Variants in CSMD1 observed in about 807,000 individuals in gnomAD.
CSMD1 encodes CUB and Sushi multiple domains 1.
In CSMD1, 213 loss-of-function variants were observed where a neutral mutation model predicts 417.5. The observed-to-expected ratio is 0.51, with a 90% CI of 0.46 to 0.57. CSMD1 has a LOEUF of 0.57. Among genes scored for constraint, CSMD1 ranks in the 20% least tolerant of loss-of-function variants. The pLI is 0.00. For synonymous variants in CSMD1, 2,862 were observed against 1,736.8 expected (o/e 1.65, Z -16.11); for missense variants, 6,923 against 4,529.7 (o/e 1.53, Z -15.17).
intron 2 of CSMD1, among the ~76,000 whole-genome samples, chr8:4,454,076 C>T (rs936200156): frequency 1.3e-5 from 2 of 152,088 alleles, no homozygotes; most frequent in Non-Finnish European, 2.9e-5. Context: ...CCCGCCTCGG[C>T]CTCCCTAAGT....
chr8:4,560,106 G>A (rs577189478), intron 2 of CSMD1, among the ~76,000 whole-genome samples: 1 of 152,332 alleles, frequency 6.6e-6, no homozygotes, highest in East Asian at 1.9e-4. Context: ...ACCTCCACGT[G>A]GTGACTGCAC....
chr8:4,201,540 C>CAAA (rs1157479482), intron 3 of CSMD1, among the ~76,000 whole-genome samples: 5 of 59,030 alleles, frequency 8.5e-5, no homozygotes, highest in Admixed American at 5.9e-4. Flanking sequence ...TCTGTCTCCA[C>CAAA]AAAAAAAAAA....
In CSMD1 at chr8:4,772,680, G is replaced by A. The variant is rs143060263; in HGVS notation, c.86-135122C>T. Among the ~76,000 whole-genome samples, 226 of 152,266 alleles carry A rather than the reference G, an allele frequency of 1.5e-3. 1 individual carries two copies. The highest frequency in any genetic ancestry group is 5.1e-3 in the African/African-American group (213 of 41,558). On this transcript the variant is annotated intron_variant, in intron 1 of 69. Coordinates refer to ENST00000635120, the MANE Select transcript of CSMD1 (RefSeq NM_033225.6). ...GGTACAGAAAAGAAGCCATAAAAAT[G>A]TATCTGTGAAAGGATGTGCATTGAG...
rs190747556 is a variant in CSMD1, at chr8:4,680,322, T to A, written c.86-42764A>T. Among the ~76,000 whole-genome samples the A allele has an allele frequency of 2.2e-3, 331 of 152,242 alleles. 3 individuals are homozygous for A. Among genetic ancestry groups the A allele is most frequent in the African/African-American group, 7.6e-3 (316 of 41,540 alleles). ...CCGAAAAAGTAATATGAATCAAAAA[T>A]CTGAAAGCACCGGGTCACTTAATTC... On this transcript the variant is annotated intron_variant, in intron 1 of 69. Coordinates refer to ENST00000635120, the MANE Select transcript of CSMD1 (RefSeq NM_033225.6).
chr8:4,190,253 CAAAAAAA>C (rs11397581), intron 3 of CSMD1, among the ~76,000 whole-genome samples: 5 of 67,030 alleles, frequency 7.5e-5, no homozygotes, highest in Admixed American at 7.4e-4. Flanking sequence ...ACTCCGTCTC[CAAAAAAA>C]AAAAAAAAAA....
chr8:3,442,461 T>C (rs1815046356), intron 12 of CSMD1, among the ~76,000 whole-genome samples: 1 of 152,190 alleles, frequency 6.6e-6, no homozygotes, highest in Admixed American at 6.5e-5. Flanking sequence ...ATACAGTGTT[T>C]TTACTGTACC....
chr8:3,753,977 G>C lies in CSMD1; in HGVS notation c.884C>G (p.Thr295Ser), dbSNP rs371950532. The C allele has an allele frequency of 1.9e-5, 31 of 1,613,020 alleles. No homozygotes were observed. Among genetic ancestry groups the C allele is most frequent in the Non-Finnish European group, 2.5e-5 (30 of 1,179,452 alleles). Residue 295 changes from threonine (T) to serine (S), a missense_variant, in exon 6 of 70, where the codon ACC becomes AGC. Coordinates refer to ENST00000635120, the MANE Select transcript of CSMD1 (RefSeq NM_033225.6). ...SSKNWLRLHF[T>S]SDSNHRRKGF... Reference sequence around the variant, plus strand: ...TTTGCGTCGGTGGTTGCTGTCAGAGGTGAAATGGAGTCGTAGCCAATTCTT... The same window carrying C: ...TTTGCGTCGGTGGTTGCTGTCAGAGCTGAAATGGAGTCGTAGCCAATTCTT...
At chr8:4,249,351 T>C (rs1802907289) in intron 3 of CSMD1, among the ~76,000 whole-genome samples, 1 of 152,248 alleles carries the variant, frequency 6.6e-6, no homozygotes, top group African/African-American at 2.4e-5. Context: ...TAAAGCGGTG[T>C]TCAGTCTACG....
intron 12 of CSMD1, among the ~76,000 whole-genome samples, chr8:3,468,505 T>C (rs1419341758): frequency 6.6e-6 from 1 of 152,166 alleles, no homozygotes; most frequent in South Asian, 2.1e-4. Context: ...TCAGAGCACA[T>C]ATCATGGCAA....
chr8:4,245,899 T>A (rs192246293), intron 3 of CSMD1, among the ~76,000 whole-genome samples: 4 of 152,328 alleles, frequency 2.6e-5, no homozygotes, highest in Admixed American at 2.0e-4. Context: ...TCATACATGG[T>A]GCTTTAGCTA....
chr8:3,890,528 CA>C (rs1345273975), intron 5 of CSMD1, among the ~76,000 whole-genome samples: 1 of 151,760 alleles, frequency 6.6e-6, no homozygotes, highest in Admixed American at 6.6e-5. Flanking sequence ...CGGTGGGGAA[CA>C]AAATAACTCT....
chr8:3,827,977 T>A (rs1802151285), intron 5 of CSMD1, among the ~76,000 whole-genome samples: 2 of 152,192 alleles, frequency 1.3e-5, no homozygotes, highest in African/African-American at 2.4e-5. Context: ...ATAGCCATCT[T>A]AACATAAACA....
intron 3 of CSMD1, among the ~76,000 whole-genome samples, chr8:4,215,580 T>A (rs9792308): frequency 2.6e-5 from 4 of 151,962 alleles, no homozygotes; most frequent in African/African-American, 9.6e-5. Context: ...ATTTTTTCCC[T>A]AAAATTTATA....
chr8:4,329,732 C>A (rs1340729744), intron 3 of CSMD1, among the ~76,000 whole-genome samples: 1 of 151,998 alleles, frequency 6.6e-6, no homozygotes, highest in Non-Finnish European at 1.5e-5. Flanking sequence ...GGTATCTGGA[C>A]TATGGGAGCA....
chr8:4,349,091 C>A (rs1465338584), intron 3 of CSMD1, among the ~76,000 whole-genome samples: 1 of 152,146 alleles, frequency 6.6e-6, no homozygotes, highest in Non-Finnish European at 1.5e-5. Flanking sequence ...GCTCAAATTA[C>A]AAAATGAGCT....
intron 8 of CSMD1, among the ~76,000 whole-genome samples, chr8:3,605,693 C>A (rs530109922): frequency 6.3e-4 from 96 of 152,238 alleles, no homozygotes; most frequent in African/African-American, 2.3e-3. Flanking sequence ...TAAAAATATG[C>A]TAAGACAAAG....
At chr8:3,852,337 C>T (rs939667550) in intron 5 of CSMD1, among the ~76,000 whole-genome samples, 1 of 151,860 alleles carries the variant, frequency 6.6e-6, no homozygotes, top group South Asian at 2.1e-4. Context: ...GAGAATGGCC[C>T]GAAGGAAGCA....
intron 12 of CSMD1, among the ~76,000 whole-genome samples, chr8:3,431,804 G>T (rs553074113): frequency 6.6e-6 from 1 of 152,082 alleles, no homozygotes; most frequent in African/African-American, 2.4e-5. Flanking sequence ...CATAACATTG[G>T]AGAAAACAAA....
chr8:4,084,084 A>G (rs1210624716), intron 3 of CSMD1, among the ~76,000 whole-genome samples: 1 of 152,212 alleles, frequency 6.6e-6, no homozygotes, highest in Non-Finnish European at 1.5e-5. Context: ...GAAAATGGCT[A>G]GTAATATTTG....
Sources: gnomAD v4.1 joint callset for allele counts (sites outside exome capture counted in the v4.1 genomes callset) on GRCh38, gnomAD v4.1.1 for gene constraint, MANE v1.5 for transcripts, NCBI Gene and HGNC (gene_info 2026-07-23, HGNC 2026-07-21) for gene names.